The following LRP2 variants were observed in gnomAD, a reference collection of about 807,000 sequenced individuals.
LRP2 encodes the protein low-density lipoprotein receptor-related protein 2.
In LRP2, 172 loss-of-function variants were observed where a neutral mutation model predicts 531.0. The observed-to-expected ratio is 0.32, with a 90% CI of 0.29 to 0.37. The LOEUF (loss-of-function observed/expected upper bound fraction) is 0.37, where lower values mean the gene tolerates loss of function less well. Among genes scored for constraint, LRP2 ranks in the 10% least tolerant of loss-of-function variants. LRP2 has a pLI of 1.00. For missense variants in LRP2, 5,167 were observed against 5,868.3 expected (o/e 0.88, Z 3.90); for synonymous variants, 1,992 against 2,027.6 (o/e 0.98, Z 0.47).
At chr2:169,261,215 G>A (rs1574192064) in intron 16 of LRP2, among the ~76,000 whole-genome samples, 1 of 152,044 alleles carries the variant, frequency 6.6e-6, no homozygotes, top group Non-Finnish European at 1.5e-5. Flanking sequence ...AGAAACTTGA[G>A]CATATCTGAT....
intron 9 of LRP2, among the ~76,000 whole-genome samples, chr2:169,283,281 TTAA>T (rs1683755757): frequency 6.6e-6 from 1 of 152,394 alleles, no homozygotes; most frequent in South Asian, 2.1e-4. Flanking sequence ...ATTTCATTTA[TTAA>T]TGTTAGTCTA....
In LRP2 at chr2:169,236,218, C is replaced by G. The variant is rs1689599815; in HGVS notation, c.4692-150G>C. The G allele has an allele frequency of 8.5e-6, 6 of 705,904 alleles. No homozygotes were observed. In the East Asian group the frequency reaches 1.6e-4, roughly 19 times the overall value. 43.7% of individuals were successfully genotyped at this position (705,904 alleles called of 1,614,324 possible). A position where few individuals can be genotyped will look rare whatever the true frequency, so the allele number is the denominator to read the frequency against. On this transcript the variant is annotated intron_variant, in intron 28 of 78. Transcript: ENST00000649046. Reference sequence around the variant, plus strand: ...ATATTCACAGAGTTTATTGTTTCCTCTAAGTGTCACAAAGTAAAACTGTCA... The same window carrying G: ...ATATTCACAGAGTTTATTGTTTCCTGTAAGTGTCACAAAGTAAAACTGTCA...
chr2:169,176,161 A>G (rs574460897), intron 54 of LRP2, among the ~76,000 whole-genome samples: 3 of 152,356 alleles, frequency 2.0e-5, no homozygotes, highest in African/African-American at 7.2e-5. Context: ...AGAAATGAGA[A>G]ATATATGGTT....
intron 3 of LRP2, among the ~76,000 whole-genome samples, chr2:169,308,906 A>G (rs1484130436): frequency 6.6e-6 from 1 of 152,028 alleles, no homozygotes; most frequent in Non-Finnish European, 1.5e-5. Context: ...CTTTTTAATG[A>G]TCACCATTCT....
chr2:169,257,972 T>A (rs1326486465), intron 17 of LRP2, among the ~76,000 whole-genome samples: 4 of 152,078 alleles, frequency 2.6e-5, no homozygotes, highest in Non-Finnish European at 4.4e-5. Flanking sequence ...AAAAGAGTCA[T>A]CAGGAAAGGA....
At chr2:169,166,624 T>G (rs1344479296) in intron 61 of LRP2, among the ~76,000 whole-genome samples, 1 of 152,206 alleles carries the variant, frequency 6.6e-6, no homozygotes, top group Non-Finnish European at 1.5e-5. Flanking sequence ...CTTTAAATTG[T>G]GTTGGATTTT....
At position 169,128,764 on chromosome 2, in the gene LRP2, G is replaced by T. The variant is rs778174854; in HGVS notation, c.13867C>A (p.Pro4623Thr). ...GGGTCTCTTCTCGAAGGAGGCTTAG[G>T]CTTAGCAGGGAGCGAAGGTGATGGA... ...PPPSPSLPAK[P>T]KPPSRRDPTP... Residue 4623 changes from proline to threonine, a missense_variant, in exon 79 of 79, where the codon CCT becomes ACT. Physicochemically the swap from Pro to Thr is conservative, Grantham distance 38. This residue lies in a region of LRP2 where 348 missense variants were observed against 369.3 expected (regional missense o/e 0.94). Transcript: ENST00000649046. 1.9e-6 allele frequency: 3 copies of T among 1,614,112 alleles called. No individual in the cohort carries two copies. In the African/African-American group the frequency reaches 4.0e-5, roughly 22 times the overall value.
chr2:169,145,614 A>T, intron 70 of LRP2, 133 bp downstream of exon 70: 1 of 856,022 alleles, frequency 1.2e-6, no homozygotes, highest in Non-Finnish European at 1.9e-6. Context: ...AAACGTACAT[A>T]CACATATACC....
chr2:169,244,652 T>C, intron 22 of LRP2, 41 bp downstream of exon 22: 1 of 1,613,886 alleles, frequency 6.2e-7, no homozygotes, highest in Non-Finnish European at 8.5e-7. Context: ...GAAGTCTATT[T>C]ACGAGGCTGA....
intron 7 of LRP2, among the ~76,000 whole-genome samples, 172 bp downstream of exon 7, chr2:169,292,081 G>A (rs886126379): frequency 2.0e-5 from 3 of 152,090 alleles, no homozygotes; most frequent in African/African-American, 7.2e-5. Flanking sequence ...AGAAGTTAGC[G>A]CAGTCACCTC....
intron 4 of LRP2, among the ~76,000 whole-genome samples, chr2:169,302,537 G>A (rs1434270311): frequency 6.6e-6 from 1 of 152,114 alleles, no homozygotes; most frequent in Non-Finnish European, 1.5e-5. Context: ...AGTGGATAGA[G>A]GCCAGGGATA....
Position 169,289,095 on chromosome 2 carries a change from G to T in LRP2, c.973C>A (p.Pro325Thr). 6.2e-7 allele frequency: 1 copy of T among 1,614,094 alleles called. No individual in the cohort carries two copies. The change falls in exon 9 of 79, where the codon CCG becomes ACG. Residue 325 changes from proline to threonine, a missense_variant. By Grantham distance (38) the Pro-to-Thr change is conservative. Transcript: ENST00000649046. ...LNCQYQCHET[P>T]YGGACFCPPG... is the part of the protein sequence containing the mutation. Reference sequence around the variant, plus strand: ...GGACAAAAACACGCTCCTCCATACGGCGTCTCATGGCACTGGTACTGGCAG... The same window carrying T: ...GGACAAAAACACGCTCCTCCATACGTCGTCTCATGGCACTGGTACTGGCAG...
rs146773496 is a variant in LRP2, at chr2:169,313,184, G to A, written c.310+5578C>T. ...TAGCTTGGGGAAGTTTGTTATTACC[G>A]ATCGTCTGAAGCCTTCTTCTCTCAA... On this transcript the variant is annotated intron_variant, in intron 3 of 78. Coordinates refer to ENST00000649046, the MANE Select transcript of LRP2 (RefSeq NM_004525.3). Among the ~76,000 whole-genome samples, 647 of 152,206 alleles carry A rather than the reference G, an allele frequency of 4.3e-3. 7 individuals are homozygous for A. Among genetic ancestry groups the A allele is most frequent in the African/African-American group, 0.015 (608 of 41,530 alleles).
chr2:169,263,233 AAAT>A (rs1458375644), intron 16 of LRP2, among the ~76,000 whole-genome samples: 1 of 152,114 alleles, frequency 6.6e-6, no homozygotes, highest in Admixed American at 6.5e-5. Context: ...ACAAAAGCCA[AAAT>A]TGACAAATGG....
At position 169,212,054 on chromosome 2, in the gene LRP2, A is replaced by G. The variant is rs2228168; in HGVS notation, c.6194T>C (p.Ile2065Thr). 6.4e-4 allele frequency: 1,037 copies of G among 1,614,050 alleles called. 4 individuals are homozygous for G. In the African/African-American group the frequency reaches 0.013, roughly 20 times the overall value. The part of the protein sequence containing the change: ...NRSCSPYNSF[I>T]VVSMLSAIRG... ...GATTGCAGACAGCATTGAAACAACA[A>G]TGAAAGAGTTATATGGAGAGCAGGA... The change falls in exon 37 of 79, where the codon ATT becomes ACT. Residue 2065 changes from isoleucine (I) to threonine (T), a missense_variant. Physicochemically the swap from Ile to Thr is moderately conservative, Grantham distance 89 (BLOSUM62 -1). This residue lies in a region of LRP2 where 2,811 missense variants were observed against 3,058.0 expected (regional missense o/e 0.92). Coordinates refer to ENST00000649046, the MANE Select transcript of LRP2 (RefSeq NM_004525.3).
At chr2:169,354,760 A>G (rs573734316) in intron 1 of LRP2, among the ~76,000 whole-genome samples, 1 of 152,364 alleles carries the variant, frequency 6.6e-6, no homozygotes, top group South Asian at 2.1e-4. Flanking sequence ...TTTCTGAATT[A>G]ATCCAATAAG....
At chr2:169,261,325 T>G (rs1690538895) in intron 16 of LRP2, among the ~76,000 whole-genome samples, 1 of 151,976 alleles carries the variant, frequency 6.6e-6, no homozygotes. Context: ...TCCTGACTTT[T>G]AATATGATTT....
chr2:169,316,638 G>C (rs1261854797), intron 3 of LRP2, among the ~76,000 whole-genome samples: 1 of 152,128 alleles, frequency 6.6e-6, no homozygotes, highest in African/African-American at 2.4e-5. Context: ...ACTTGCAGAG[G>C]TCCAAAGGTA....
intron 53 of LRP2, among the ~76,000 whole-genome samples, chr2:169,177,566 G>A (rs946026149): frequency 2.0e-5 from 3 of 151,970 alleles, no homozygotes; most frequent in Non-Finnish European, 4.4e-5. Flanking sequence ...AAAAAAAGAT[G>A]ATCTTGAAGA....
Sources: allele counts gnomAD v4.1 joint callset (sites outside exome capture counted in the v4.1 genomes callset), GRCh38; gene constraint gnomAD v4.1.1; regional missense constraint gnomAD v4.1.1; transcripts MANE v1.5; gene names NCBI Gene and HGNC (gene_info 2026-07-23, HGNC 2026-07-21).